TRIM5: variants seen among roughly 807,000 people sequenced by gnomAD.
TRIM5 encodes tripartite motif containing 5, also known as tripartite motif-containing protein 5.
A neutral mutation model predicts 35.6 loss-of-function variants in TRIM5; 31 were observed. The ratio of observed to expected loss-of-function variants is 0.87; its 90% CI spans 0.65 to 1.18. TRIM5 has a LOEUF of 1.18. Among genes scored for constraint, TRIM5 ranks in the 50% most tolerant of loss-of-function variants. The pLI is 0.00. For missense variants in TRIM5, 609 were observed against 591.6 expected (o/e 1.03, Z -0.31); for synonymous variants, 243 against 215.6 (o/e 1.13, Z -1.11).
the TRIM5 span, among the ~76,000 whole-genome samples, chr11:5,630,869 G>T: frequency 5.9e-5 from 9 of 152,166 alleles, no homozygotes; most frequent in South Asian, 1.7e-3. Flanking sequence ...CTCAACTTTG[G>T]ATTTTAATCC....
the TRIM5 span, among the ~76,000 whole-genome samples, chr11:5,649,488 C>T: frequency 2.6e-5 from 4 of 152,144 alleles, no homozygotes; most frequent in Non-Finnish European, 1.5e-5. Context: ...TCTTAACCTA[C>T]ATTGTGGAGT....
the TRIM5 span, among the ~76,000 whole-genome samples, chr11:5,631,187 T>C: frequency 6.6e-6 from 1 of 152,198 alleles, no homozygotes; most frequent in Non-Finnish European, 1.5e-5. Flanking sequence ...TGTAACATCC[T>C]TCAGGCCAAG....
chr11:5,632,796 T>C, the TRIM5 span: 2,745 of 1,509,428 alleles, frequency 1.8e-3, 30 homozygotes, highest in African/African-American at 0.028. Context: ...AAGATGGTAG[T>C]TGGTGGAAAA....
At chr11:5,627,765 G>T in the TRIM5 span, among the ~76,000 whole-genome samples, 1 of 152,150 alleles carries the variant, frequency 6.6e-6, no homozygotes, top group Non-Finnish European at 1.5e-5. Context: ...GTCAAAACAG[G>T]CTCTACTTTC....
chr11:5,633,342 T>C, the TRIM5 span, among the ~76,000 whole-genome samples: 1 of 152,056 alleles, frequency 6.6e-6, no homozygotes, highest in Non-Finnish European at 1.5e-5. Flanking sequence ...CACTCTTGTG[T>C]ATTCCTTTCA....
At chr11:5,604,243 A>G in the TRIM5 span, among the ~76,000 whole-genome samples, 1 of 152,106 alleles carries the variant, frequency 6.6e-6, no homozygotes, top group African/African-American at 2.4e-5. Context: ...CAAACTCCTG[A>G]GCTCAGGCAA....
the TRIM5 span, chr11:5,642,402 C>A: frequency 6.2e-7 from 1 of 1,611,694 alleles, no homozygotes; most frequent in Non-Finnish European, 8.5e-7. Flanking sequence ...TTTTTCATCC[C>A]TAGGAGTGAG....
intron 4 of TRIM5, among the ~76,000 whole-genome samples, chr11:5,674,924 G>A (rs376114272): frequency 1.3e-5 from 2 of 152,156 alleles, no homozygotes; most frequent in African/African-American, 4.8e-5. Context: ...TTGGTAAAAG[G>A]ACACCAACTT....
At chr11:5,644,139 G>T in the TRIM5 span, 1 of 399,998 alleles carries the variant, frequency 2.5e-6, no homozygotes, top group Non-Finnish European at 4.4e-6. Context: ...GTACATCAAG[G>T]AATCAAGGAG....
At chr11:5,596,970 G>T in the TRIM5 span, 1 of 1,613,326 alleles carries the variant, frequency 6.2e-7, no homozygotes, top group Non-Finnish European at 8.5e-7. Context: ...AGAGGTGACA[G>T]GGCAGTGAAA....
In TRIM5 at chr11:5,679,944, CT is replaced by C. The variant is rs1852301286; in HGVS notation, c.233del (p.Glu78GlyfsTer8). The C allele has an allele frequency of 8.7e-6, 14 of 1,614,022 alleles. No homozygotes were observed. Among genetic ancestry groups the C allele is most frequent in the African/African-American group, 1.3e-5 (1 of 74,894 alleles). On this transcript the variant is annotated frameshift_variant, in exon 2 of 8. Coordinates refer to ENST00000380034, the MANE Select transcript of TRIM5 (RefSeq NM_033034.3). LOFTEE classifies it high-confidence loss of function. ...RPNRHVANIV[E>X]KLREVKLSPE... Reference sequence around the variant, plus strand: ...GGCTCAACTTGACCTCCCTGAGCTTCTCCACTATGTTGGCTACATGCCGATT... The same window carrying C: ...GGCTCAACTTGACCTCCCTGAGCTTCCCACTATGTTGGCTACATGCCGATT...
chr11:5,679,881 T>C lies in TRIM5; in HGVS notation c.297A>G (p.Gly99=), dbSNP rs1457939094. The change falls in exon 2 of 8, where the codon GGA becomes GGG. Residue 99 remains glycine, a synonymous_variant. Transcript: ENST00000380034. The stretch of plus-strand genomic sequence containing the variant: ...CCTGACAGAAGAGTAGAAGTTTCTC[T>C]CCATGGCGTGCACAATGATCAACTT... ...GQKVDHCARH[G]EKLLLFCQED... 6.2e-7 allele frequency: 1 copy of C among 1,613,878 alleles called. No individual in the cohort carries two copies. The highest frequency in any genetic ancestry group is 1.7e-5 in the Admixed American group (1 of 59,980).
the TRIM5 span, chr11:5,641,382 T>C: frequency 8.0e-4 from 1,069 of 1,339,302 alleles, 7 homozygotes; most frequent in African/African-American, 0.012. Flanking sequence ...GATCCTATGT[T>C]AGTAAATTCA....
downstream of TRIM5, chr11:5,663,180 G>T: frequency 1.1e-6 from 1 of 889,922 alleles, no homozygotes; most frequent in Non-Finnish European, 1.3e-6. Flanking sequence ...CACCATAATG[G>T]ATTACCCCTT....
chr11:5,613,970 A>G, the TRIM5 span, among the ~76,000 whole-genome samples: 1 of 152,200 alleles, frequency 6.6e-6, no homozygotes, highest in South Asian at 2.1e-4. Context: ...TTTAGATAAT[A>G]GTGAAAGCCA....
At chr11:5,665,613 G>A in intron 7 of TRIM5, 43 bp downstream of exon 7, 1 of 1,581,826 alleles carries the variant, frequency 6.3e-7, no homozygotes, top group Non-Finnish European at 8.5e-7. Context: ...TAATAATAAT[G>A]ATAAGCCGCA....
At chr11:5,618,767 C>T in the TRIM5 span, among the ~76,000 whole-genome samples, 2 of 152,110 alleles carry the variant, frequency 1.3e-5, no homozygotes, top group Non-Finnish European at 2.9e-5. Flanking sequence ...GTAGTATACT[C>T]TGGGGGAGAA....
In TRIM5 at chr11:5,679,850, C is replaced by T. The variant is rs146215995; in HGVS notation, c.328G>A (p.Gly110Arg). ...EKLLLFCQEDGKVICWLCERS... is the reference protein window; with the variant it reads ...EKLLLFCQEDRKVICWLCERS... Reference sequence around the variant, plus strand: ...TCACAAAGCCAGCAAATGACCTTCCCGTCCTCCTGACAGAAGAGTAGAAGT... The same window carrying T: ...TCACAAAGCCAGCAAATGACCTTCCTGTCCTCCTGACAGAAGAGTAGAAGT... Residue 110 changes from glycine to arginine, a missense_variant, in exon 2 of 8, where the codon GGG becomes AGG. Coordinates refer to ENST00000380034, the MANE Select transcript of TRIM5 (RefSeq NM_033034.3). The T allele has an allele frequency of 1.3e-4, 203 of 1,613,522 alleles. No homozygotes were observed. In the East Asian group the frequency reaches 1.9e-3, roughly 15 times the overall value.
chr11:5,645,867 G>GAAAAA, the TRIM5 span: 9 of 135,608 alleles, frequency 6.6e-5, no homozygotes, highest in African/African-American at 1.4e-4. Context: ...TAGTCTTCTG[G>GAAAAA]AAAAAAAAAA....
Sources: gnomAD v4.1 joint callset for allele counts (sites outside exome capture counted in the v4.1 genomes callset) on GRCh38, gnomAD v4.1.1 for gene constraint, MANE v1.5 for transcripts, NCBI Gene and HGNC (gene_info 2026-07-23, HGNC 2026-07-21) for gene names.